Variants in RGN observed in about 807,000 individuals in gnomAD.
The protein encoded by RGN is regucalcin.
RGN carries 19 observed loss-of-function variants against 20.6 expected under a neutral mutation model. The observed-to-expected ratio is 0.92, with a 90% confidence interval of 0.64 to 1.35. The LOEUF (loss-of-function observed/expected upper bound fraction) is 1.35, where lower values mean the gene tolerates loss of function less well. Ranked by LOEUF, RGN falls within the 40% of genes most tolerant of loss-of-function variation. RGN has a pLI of 0.00. For missense variants in RGN, 302 were observed against 232.7 expected (o/e 1.30, Z -1.94); for synonymous variants, 85 against 87.2 (o/e 0.97, Z 0.14).
At position 47,093,226 on chromosome X, in the gene RGN, G is replaced by T; in HGVS notation, c.*279G>T. Reference sequence around the variant, plus strand: ...GATTCTTTGTAAATTGCCAGGGTGGGTGGGTACATATCTCTTCTTGATTCT... The same window carrying T: ...GATTCTTTGTAAATTGCCAGGGTGGTTGGGTACATATCTCTTCTTGATTCT... On this transcript the variant is annotated 3_prime_UTR_variant, in exon 8 of 8. Transcript: ENST00000397180. The T allele has an allele frequency of 3.1e-6, 1 of 325,984 alleles. No homozygotes were observed. The highest frequency in any genetic ancestry group is 5.3e-6 in the Non-Finnish European group (1 of 190,130). 26.9% of individuals were successfully genotyped at this position (325,984 alleles called of 1,213,427 possible).
intron 1 of RGN, among the ~76,000 whole-genome samples, chrX:47,078,975 T>C (rs970095935): frequency 2.1e-5 from 2 of 95,750 alleles, no homozygotes; most frequent in African/African-American, 3.9e-5. Flanking sequence ...TTTTTTTTTT[T>C]CCGAGACAAG....
intron 4 of RGN, among the ~76,000 whole-genome samples, chrX:47,086,279 C>A (rs1556384225): frequency 9.0e-6 from 1 of 111,168 alleles, no homozygotes; most frequent in Non-Finnish European, 1.9e-5. Context: ...CTCAGGGTAA[C>A]CCATCTGGAG....
At chrX:47,090,731 T>C (rs782237947) in intron 5 of RGN, among the ~76,000 whole-genome samples, 192 of 108,155 alleles carry the variant, frequency 1.8e-3, no homozygotes, top group Non-Finnish European at 3.2e-3. Flanking sequence ...GGTGCAGATG[T>C]TTTGCTTTGA....
At chrX:47,083,924 A>C (rs1382353896) in intron 3 of RGN, among the ~76,000 whole-genome samples, 7 of 94,414 alleles carry the variant, frequency 7.4e-5, no homozygotes, top group African/African-American at 2.1e-4. Flanking sequence ...AACAAAACAA[A>C]CAAAAAAAAA....
Position 47,091,803 on chromosome X carries a change from G to C in RGN, c.688G>C (p.Val230Leu). The change falls in exon 6 of 8, where the codon GTG becomes CTG. Residue 230 changes from valine (V) to leucine (L), a missense_variant. Physicochemically the swap from Val to Leu is conservative, Grantham distance 32. Transcript: ENST00000397180. ...AGGAAGAGTGATTCGTTTAGATCCT[G>C]TGACAGGTAGGCCTGCAGCAAAATG... The part of the protein sequence containing the change: ...NGGRVIRLDP[V>L]TGKRLQTVKL... The C allele has an allele frequency of 8.3e-7, 1 of 1,208,507 alleles. No homozygotes were observed. The highest frequency in any genetic ancestry group is 1.8e-5 in the South Asian group (1 of 55,995).
intron 3 of RGN, among the ~76,000 whole-genome samples, chrX:47,081,678 A>G (rs1275435613): frequency 9.0e-6 from 1 of 110,604 alleles, no homozygotes; most frequent in Non-Finnish European, 1.9e-5. Flanking sequence ...CCTCCCTAGT[A>G]GCTGTGACTA....
Position 47,093,118 on chromosome X carries a change from G to T in RGN, c.*171G>T, listed in dbSNP as rs1931084857. 4.5e-6 allele frequency: 2 copies of T among 441,672 alleles called. No individual in the cohort carries two copies. The highest frequency in any genetic ancestry group is 7.8e-6 in the Non-Finnish European group (2 of 256,295). The allele number at this position is 441,672 out of a possible 1,213,427, so 36.4% of individuals were successfully genotyped here. On this transcript the variant is annotated 3_prime_UTR_variant, in exon 8 of 8. Coordinates refer to ENST00000397180, the MANE Select transcript of RGN (RefSeq NM_152869.4). ...GCATTTTTAACAAGGGGTGACAGGTGGTTTTGATAACACACTTATAAGGCT... is the reference window on the plus strand; with the variant it reads ...GCATTTTTAACAAGGGGTGACAGGTTGTTTTGATAACACACTTATAAGGCT...
chrX:47,089,947 A>C lies in RGN; in HGVS notation c.518A>C (p.Tyr173Ser), dbSNP rs1930865512. 1.7e-6 allele frequency: 2 copies of C among 1,204,754 alleles called. 1 individual carries two copies. Among genetic ancestry groups the C allele is most frequent in the Admixed American group, 4.4e-5 (2 of 45,074 alleles). Residue 173 changes from tyrosine (Y) to serine (S), a missense_variant, in exon 5 of 8, where the codon TAC becomes TCC. Tyr to Ser is a moderately radical substitution (Grantham distance 144). Transcript: ENST00000397180. ...KIFYYIDSLSYSVDAFDYDLQ... is the reference protein window; with the variant it reads ...KIFYYIDSLSSSVDAFDYDLQ... ...TTCTATTACATTGACAGCCTGTCCT[A>C]CTCCGTGGATGCCTTTGACTATGAC...
rs200155890 is a variant in RGN at position 47,089,598 on chromosome X, TACACACACACACACACACACAC to T, written c.347-164_347-143del. Among the ~76,000 whole-genome samples, 4 of 69,993 alleles carry T rather than the reference TACACACACACACACACACACAC, an allele frequency of 5.7e-5. No homozygotes were observed. The South Asian group carries it at 3.1e-3, about 54-fold the overall frequency. The allele number at this position is 69,993 out of a possible 115,157, so 60.8% of individuals were successfully genotyped here. A position where few individuals can be genotyped will look rare whatever the true frequency, so the allele number is the denominator to read the frequency against. ...TATACTTTATATATATATATATATATACACACACACACACACACACACACACACACACACATATATATATATG... is the reference window on the plus strand; with the variant it reads ...TATACTTTATATATATATATATATATACACACACACACATATATATATATG... On this transcript the variant is annotated intron_variant, in intron 4 of 7. Transcript: ENST00000397180.
At chrX:47,084,380 A>G in intron 3 of RGN, 38 bp from the exon 4 acceptor site, 1 of 1,132,556 alleles carries the variant, frequency 8.8e-7, no homozygotes, top group African/African-American at 1.8e-5. Flanking sequence ...CAGCCACTAA[A>G]CTGGTACTGT....
Position 47,089,854 on chromosome X carries a change from A to T in RGN, c.425A>T (p.His142Leu), listed in dbSNP as rs1556386621. ...CTGTACTCCCTCTTTCCTGATCACC[A>T]CGTGAAAAAGTACTTTGACCAGGTG... ...GALYSLFPDH[H>L]VKKYFDQVDI... Residue 142 changes from histidine (H) to leucine (L), a missense_variant, in exon 5 of 8, where the codon CAC becomes CTC. Transcript: ENST00000397180. The T allele has an allele frequency of 7.5e-6, 9 of 1,205,925 alleles. No homozygotes were observed. The highest frequency in any genetic ancestry group is 2.2e-6 in the Non-Finnish European group (2 of 894,032).
intron 3 of RGN, among the ~76,000 whole-genome samples, chrX:47,083,376 G>T (rs1327246901): frequency 1.9e-5 from 2 of 107,836 alleles, no homozygotes; most frequent in Non-Finnish European, 3.8e-5. Context: ...TCCAGCCTGG[G>T]CAACAGAGCA....
chrX:47,081,188 G>T lies in RGN; in HGVS notation c.44G>T (p.Arg15Leu). The T allele has an allele frequency of 1.7e-6, 2 of 1,203,811 alleles. No homozygotes were observed. Among genetic ancestry groups the T allele is most frequent in the Non-Finnish European group, 2.3e-6 (2 of 888,327 alleles). Residue 15 changes from arginine to leucine, a missense_variant, in exon 3 of 8, where the codon CGG becomes CTG. Physicochemically the swap from Arg to Leu is moderately radical, Grantham distance 102 (BLOSUM62 -2). Coordinates refer to ENST00000397180, the MANE Select transcript of RGN (RefSeq NM_152869.4). ...KIECVLPENC[R>L]CGESPVWEEV... ...GAGTGTGTTTTGCCAGAGAACTGCCGGTGTGGTGAGTCTCCAGTATGGGAG... is the reference window on the plus strand; with the variant it reads ...GAGTGTGTTTTGCCAGAGAACTGCCTGTGTGGTGAGTCTCCAGTATGGGAG...
chrX:47,088,563 C>T (rs1930709248), intron 4 of RGN, among the ~76,000 whole-genome samples: 4 of 110,654 alleles, frequency 3.6e-5, no homozygotes, highest in Non-Finnish European at 5.7e-5. Context: ...TTGAGATTTC[C>T]ATGTTTCTTT....
At chrX:47,079,373 G>A in intron 1 of RGN, among the ~76,000 whole-genome samples, 1 of 99,406 alleles carries the variant, frequency 1.0e-5, no homozygotes, top group Non-Finnish European at 2.0e-5. Flanking sequence ...TTTTTGTTTT[G>A]TTTTGGTTTG....
At position 47,091,802 on chromosome X, in the gene RGN, T is replaced by A; in HGVS notation, c.687T>A (p.Pro229=). The change falls in exon 6 of 8, where the codon CCT becomes CCA. Residue 229 remains proline, a synonymous_variant. Transcript: ENST00000397180. ...YNGGRVIRLD[P]VTGKRLQTVK... ...GAGGAAGAGTGATTCGTTTAGATCC[T>A]GTGACAGGTAGGCCTGCAGCAAAAT... The A allele has an allele frequency of 1.7e-6, 2 of 1,208,416 alleles. No homozygotes were observed. Among genetic ancestry groups the A allele is most frequent in the Non-Finnish European group, 2.2e-6 (2 of 894,400 alleles).
chrX:47,083,335 G>A (rs1284102141), intron 3 of RGN, among the ~76,000 whole-genome samples: 1 of 108,643 alleles, frequency 9.2e-6, no homozygotes, highest in Non-Finnish European at 1.9e-5. Flanking sequence ...GGAGGCGGAG[G>A]TTGCAGTGAG....
At position 47,080,358 on chromosome X, in the gene RGN, T is replaced by C. The variant is rs1484852010; in HGVS notation, c.-594T>C. The stretch of plus-strand genomic sequence containing the variant: ...TTCTCCCAGTTCGCTGGTCATGGTC[T>C]CTGGCCTAAAGTCCCAGCATAGACT... On this transcript the variant is annotated 5_prime_UTR_variant, in exon 2 of 8. Transcript: ENST00000397180. 8.9e-6 allele frequency: 1 copy of C among 112,275 alleles called. No homozygotes were observed. Among genetic ancestry groups the C allele is most frequent in the African/African-American group, 3.2e-5 (1 of 30,882 alleles). The allele number at this position is 112,275 out of a possible 1,213,427, so 9.3% of individuals were successfully genotyped here.
At chrX:47,085,337 G>A (rs782042994) in intron 4 of RGN, among the ~76,000 whole-genome samples, 74 of 110,620 alleles carry the variant, frequency 6.7e-4, no homozygotes, top group Non-Finnish European at 1.1e-3. Context: ...TGGCTAACAC[G>A]GTGAAACCCC....
Sources: allele counts gnomAD v4.1 joint callset (sites outside exome capture counted in the v4.1 genomes callset), GRCh38; gene constraint gnomAD v4.1.1; transcripts MANE v1.5; gene names NCBI Gene and HGNC (gene_info 2026-07-23, HGNC 2026-07-21).